CHLSN: variants seen among roughly 807,000 people sequenced by gnomAD.
CHLSN encodes cholesin, also known as protein cholesin.
chr7:1,102,247 C>T, the CHLSN span, among the ~76,000 whole-genome samples: 1 of 152,278 alleles, frequency 6.6e-6, no homozygotes, highest in Admixed American at 6.5e-5. Flanking sequence ...GAGCTGCGTG[C>T]CCAGCACACG....
chr7:983,564 C>T, the CHLSN span, among the ~76,000 whole-genome samples: 1 of 152,222 alleles, frequency 6.6e-6, no homozygotes, highest in African/African-American at 2.4e-5. Context: ...CACCCCGTCC[C>T]ACAGGGAAGC....
chr7:1,100,001 G>C, the CHLSN span, among the ~76,000 whole-genome samples: 1 of 152,220 alleles, frequency 6.6e-6, no homozygotes, highest in Non-Finnish European at 1.5e-5. Context: ...TGGACAACTG[G>C]ATAATCCACT....
the CHLSN span, among the ~76,000 whole-genome samples, chr7:999,732 C>T: frequency 5.9e-5 from 9 of 152,208 alleles, no homozygotes; most frequent in African/African-American, 1.9e-4. Flanking sequence ...GCCCCCAGCG[C>T]GCACGCAAAG....
the CHLSN span, among the ~76,000 whole-genome samples, chr7:1,060,009 G>GGCGGGTCTGTAGTGAA: frequency 1.1e-5 from 1 of 88,198 alleles, no homozygotes; most frequent in East Asian, 2.9e-4. Flanking sequence ...TCTGTAGTGG[G>GGCGGGTCTGTAGTGAA]GCGGGTCCGT....
chr7:1,041,325 AGGGGG>A, the CHLSN span, among the ~76,000 whole-genome samples: 32 of 121,286 alleles, frequency 2.6e-4, no homozygotes, highest in East Asian at 4.5e-4. Flanking sequence ...GCTGCGGGGA[AGGGGG>A]CCTGGGGTCC....
At chr7:1,007,696 T>TC in the CHLSN span, among the ~76,000 whole-genome samples, 1 of 151,288 alleles carries the variant, frequency 6.6e-6, no homozygotes, top group Non-Finnish European at 1.5e-5. Flanking sequence ...GAAGTAAGAG[T>TC]CCCCCCTCCT....
At chr7:1,102,195 C>T in the CHLSN span, among the ~76,000 whole-genome samples, 3 of 152,244 alleles carry the variant, frequency 2.0e-5, no homozygotes, top group East Asian at 3.8e-4. Flanking sequence ...ACACAAACTC[C>T]GTCCAAAGTC....
the CHLSN span, among the ~76,000 whole-genome samples, chr7:1,125,372 C>G: frequency 1.3e-5 from 2 of 151,316 alleles, no homozygotes; most frequent in African/African-American, 4.8e-5. Context: ...CACCTGCCAC[C>G]CCACATCTCA....
the CHLSN span, among the ~76,000 whole-genome samples, chr7:1,096,322 C>T: frequency 6.6e-6 from 1 of 152,174 alleles, no homozygotes; most frequent in Non-Finnish European, 1.5e-5. This position sits in a 1 kb window ranked among gnomAD's most constrained non-coding sequence, Gnocchi z 4.6. Flanking sequence ...GTCACACGAG[C>T]GACAGGCACC....
the CHLSN span, among the ~76,000 whole-genome samples, chr7:1,113,094 G>A: frequency 6.6e-6 from 1 of 152,166 alleles, no homozygotes; most frequent in African/African-American, 2.4e-5. Context: ...TGGAAAAACT[G>A]CAGGGCGCAC....
chr7:1,038,442 C>T, the CHLSN span, among the ~76,000 whole-genome samples: 1 of 80,592 alleles, frequency 1.2e-5, no homozygotes, highest in Non-Finnish European at 2.5e-5. Flanking sequence ...GGGGGGTCAG[C>T]CCCCCAACCC....
the CHLSN span, among the ~76,000 whole-genome samples, chr7:1,079,486 C>T: frequency 4.6e-5 from 7 of 152,348 alleles, no homozygotes; most frequent in East Asian, 1.9e-4. Flanking sequence ...GCTGGGGAGA[C>T]GGTTTCGTGA....
At chr7:1,022,522 C>T in the CHLSN span, among the ~76,000 whole-genome samples, 2 of 152,154 alleles carry the variant, frequency 1.3e-5, no homozygotes, top group East Asian at 3.8e-4. Flanking sequence ...TCGCAGGTGA[C>T]GGCCGTCGTG....
chr7:1,113,567 G>A, the CHLSN span, among the ~76,000 whole-genome samples: 2 of 152,180 alleles, frequency 1.3e-5, no homozygotes, highest in East Asian at 1.9e-4. Context: ...AGCTGGAATC[G>A]GATGGCAGCG....
chr7:1,111,607 C>T, the CHLSN span, among the ~76,000 whole-genome samples: 1 of 152,156 alleles, frequency 6.6e-6, no homozygotes, highest in Non-Finnish European at 1.5e-5. Context: ...CAAGACCAGC[C>T]TAGGCAACGT....
At chr7:1,036,793 C>T in the CHLSN span, among the ~76,000 whole-genome samples, 3 of 130,538 alleles carry the variant, frequency 2.3e-5, no homozygotes, top group Non-Finnish European at 5.5e-5. Context: ...GCGAACGCTT[C>T]GCTGGCCATT....
chr7:985,172 C>T, the CHLSN span: 1 of 1,579,948 alleles, frequency 6.3e-7, no homozygotes, highest in Non-Finnish European at 8.6e-7. Context: ...GCAGGCCGGC[C>T]CTTCCCGCTG....
At chr7:1,071,105 T>TG in the CHLSN span, among the ~76,000 whole-genome samples, 5 of 152,064 alleles carry the variant, frequency 3.3e-5, no homozygotes, top group Non-Finnish European at 5.9e-5. Flanking sequence ...ACAGGAGCCA[T>TG]GGGGGGGCCA....
At chr7:1,064,166 G>A in the CHLSN span, among the ~76,000 whole-genome samples, 11 of 152,204 alleles carry the variant, frequency 7.2e-5, no homozygotes, top group African/African-American at 2.7e-4. Flanking sequence ...ACACACGTCT[G>A]TCTCCTCCCC....
Sources: gnomAD v4.1 joint callset for allele counts (sites outside exome capture counted in the v4.1 genomes callset) on GRCh38, gnomAD v4.1.1 for gene constraint, Gnocchi (gnomAD v3.1) non-coding constraint, MANE v1.5 for transcripts, NCBI Gene and HGNC (gene_info 2026-07-23, HGNC 2026-07-21) for gene names.